Variants in ACBD6 observed in about 807,000 individuals in gnomAD.
ACBD6 encodes acyl-CoA binding domain containing 6.
A neutral mutation model predicts 37.2 loss-of-function variants in ACBD6; 28 were observed. The observed-to-expected ratio is 0.75, with a 90% CI of 0.56 to 1.03. The LOEUF (loss-of-function observed/expected upper bound fraction) is 1.03, where lower values mean the gene tolerates loss of function less well. Ranked by LOEUF, ACBD6 falls within the 50% of genes least tolerant of loss-of-function variation. The pLI is 0.00. For missense variants in ACBD6, 340 were observed against 337.4 expected, an observed-to-expected ratio of 1.01 and a Z score of -0.06; for synonymous variants, 113 against 126.8, an observed-to-expected ratio of 0.89 and a Z score of 0.73.
At chr1:180,276,115 AT>A (rs1381480567) in intron 9 of ACBD6, 2 of 152,148 alleles carry the variant, frequency 1.3e-5, no homozygotes, top group Admixed American at 6.5e-5. Context: ...CTGGCCTCCC[AT>A]TCTCTTAAAT....
At chr1:180,383,120 A>C (rs891504004) in intron 6 of ACBD6, among the ~76,000 whole-genome samples, 3 of 152,246 alleles carry the variant, frequency 2.0e-5, no homozygotes, top group Admixed American at 6.5e-5. Context: ...CTTTCCCCCA[A>C]GAACTGGCAC....
intron 6 of ACBD6, among the ~76,000 whole-genome samples, chr1:180,381,648 T>TA (rs1653654327): frequency 6.6e-6 from 1 of 151,690 alleles, no homozygotes; most frequent in South Asian, 2.1e-4. Context: ...AAGGAGGAAA[T>TA]AAAAAAAATT....
In ACBD6 at chr1:180,435,653, A is replaced by C. The variant is rs1301246949; in HGVS notation, c.385-5391T>G. The C allele has an allele frequency of 5.0e-6, 5 of 991,424 alleles. No homozygotes were observed. The African/African-American group carries it at 6.4e-5, about 13-fold the overall frequency. 61.4% of individuals were successfully genotyped at this position (991,424 alleles called of 1,614,324 possible). A position where few individuals can be genotyped will look rare whatever the true frequency, so the allele number is the denominator to read the frequency against. ...GCTTCACACTAATATGAATGACGGG[A>C]CAGAGTTTGGCAGCTCCATTTACCA... On this transcript the variant is annotated intron_variant, in intron 3 of 7. Coordinates refer to ENST00000367595, the MANE Select transcript of ACBD6 (RefSeq NM_032360.4).
chr1:180,318,168 C>CAA lies in ACBD6; in HGVS notation c.664-3447_664-3446insTT, dbSNP rs1553291890. 1.9e-4 allele frequency among the ~76,000 whole-genome samples: 16 copies of CAA among 84,356 alleles called. No homozygotes were observed. The East Asian group carries it at 8.7e-3, about 46-fold the overall frequency. 55.3% of individuals were successfully genotyped at this position (84,356 alleles called of 152,430 possible). On this transcript the variant is annotated intron_variant, in intron 6 of 7. Transcript: ENST00000367595. ...CAGAGTAAGATTCCATCTCCGCCCC[C>CAA]CCCCCCCAAAAAAAAAAGAAAGAAA...
rs756060229 is a variant in ACBD6, at chr1:180,430,163, A to C, written c.467+17T>G. ...GGCATATATATTTCTATTATCAAAG[A>C]TCAGAAGAGAAATTACCTGATGGTT... is the stretch of plus-strand genomic sequence containing the variant. On this transcript the variant is annotated intron_variant, in intron 4 of 7. Transcript: ENST00000367595. 1 of 1,602,074 alleles carries C rather than the reference A, an allele frequency of 6.2e-7. No homozygotes were observed. The highest frequency in any genetic ancestry group is 1.7e-5 in the Admixed American group (1 of 59,990).
chr1:180,312,698 C>A (rs1433941432), intron 7 of ACBD6, among the ~76,000 whole-genome samples: 1 of 152,096 alleles, frequency 6.6e-6, no homozygotes, highest in Non-Finnish European at 1.5e-5. Flanking sequence ...GTAAATCAGG[C>A]CATGGAAGTC....
chr1:180,475,274 C>A (rs1004621279), intron 3 of ACBD6, among the ~76,000 whole-genome samples: 1 of 152,250 alleles, frequency 6.6e-6, no homozygotes, highest in Admixed American at 6.5e-5. Context: ...TCCACCATCT[C>A]GGAAAGTTTC....
At position 180,486,352 on chromosome 1, in the gene ACBD6, A is replaced by G. The variant is rs1035689494; in HGVS notation, c.384+5917T>C. On this transcript the variant is annotated intron_variant, in intron 3 of 7. Transcript: ENST00000367595. Reference sequence around the variant, plus strand: ...AAAAAAATCAATGCAAACCAAATGAAGCTCATACAGTTTGCCATGCCATGG... The same window carrying G: ...AAAAAAATCAATGCAAACCAAATGAGGCTCATACAGTTTGCCATGCCATGG... Among the ~76,000 whole-genome samples, 8 of 152,218 alleles carry G rather than the reference A, an allele frequency of 5.3e-5. 1 individual carries two copies. The highest frequency in any genetic ancestry group is 1.7e-4 in the African/African-American group (7 of 41,450).
intron 6 of ACBD6, among the ~76,000 whole-genome samples, chr1:180,364,016 G>A (rs754861672): frequency 3.9e-5 from 6 of 152,178 alleles, no homozygotes; most frequent in Non-Finnish European, 7.3e-5. Flanking sequence ...AATACAAGAT[G>A]TGTCTAAGCC....
chr1:180,347,168 A>G (rs183584575), intron 6 of ACBD6, among the ~76,000 whole-genome samples: 3 of 152,340 alleles, frequency 2.0e-5, no homozygotes, highest in Admixed American at 1.3e-4. Context: ...GTACCTTGAA[A>G]GATATACATA....
intron 3 of ACBD6, among the ~76,000 whole-genome samples, chr1:180,448,961 A>C (rs778811324): frequency 6.6e-6 from 1 of 152,190 alleles, no homozygotes; most frequent in Non-Finnish European, 1.5e-5. Context: ...AGGAAGGAGG[A>C]CTATTCAAAA....
At chr1:180,335,038 G>T (rs1050054871) in intron 6 of ACBD6, among the ~76,000 whole-genome samples, 4 of 152,310 alleles carry the variant, frequency 2.6e-5, no homozygotes, top group Admixed American at 2.6e-4. Context: ...CTTCTGATTG[G>T]TGTACCTGAA....
chr1:180,293,890 C>A (rs1173156420), intron 7 of ACBD6, among the ~76,000 whole-genome samples: 1 of 151,026 alleles, frequency 6.6e-6, no homozygotes, highest in African/African-American at 2.5e-5. Context: ...TAAAGGCATG[C>A]ACTTCTATTT....
intron 3 of ACBD6, among the ~76,000 whole-genome samples, chr1:180,468,356 AG>A (rs1557883256): frequency 1.3e-5 from 2 of 152,174 alleles, no homozygotes; most frequent in Non-Finnish European, 2.9e-5. Flanking sequence ...GCTGGATAGG[AG>A]GTCCTGCTGA....
At chr1:180,476,278 T>C (rs1459601039) in intron 3 of ACBD6, among the ~76,000 whole-genome samples, 1 of 152,184 alleles carries the variant, frequency 6.6e-6, no homozygotes, top group East Asian at 1.9e-4. Context: ...ATGCCGGAGG[T>C]TGAAAATTTT....
At chr1:180,373,312 T>C (rs1229768555) in intron 6 of ACBD6, among the ~76,000 whole-genome samples, 1 of 152,214 alleles carries the variant, frequency 6.6e-6, no homozygotes, top group Admixed American at 6.5e-5. Context: ...TTTTAGCACT[T>C]TGCTGCTATT....
At chr1:180,353,983 G>A (rs1652522647) in intron 6 of ACBD6, among the ~76,000 whole-genome samples, 2 of 152,152 alleles carry the variant, frequency 1.3e-5, no homozygotes, top group South Asian at 4.1e-4. Context: ...ACTACCAAAT[G>A]CTTTCGTATG....
At chr1:180,426,103 G>A (rs1648571499) in intron 4 of ACBD6, among the ~76,000 whole-genome samples, 1 of 152,130 alleles carries the variant, frequency 6.6e-6, no homozygotes, top group African/African-American at 2.4e-5. Context: ...CACTTCATTT[G>A]TCTCACAGAA....
intron 6 of ACBD6, among the ~76,000 whole-genome samples, chr1:180,333,111 G>A (rs1651551011): frequency 6.6e-6 from 1 of 151,886 alleles, no homozygotes; most frequent in Admixed American, 6.6e-5. Context: ...ATTAATGCCA[G>A]TAAATTTAAA....
Sources: gnomAD v4.1 joint callset for allele counts (sites outside exome capture counted in the v4.1 genomes callset) on GRCh38, gnomAD v4.1.1 for gene constraint, MANE v1.5 for transcripts, NCBI Gene and HGNC (gene_info 2026-07-23, HGNC 2026-07-21) for gene names.